Variants in CNTNAP2 observed in about 807,000 individuals in gnomAD.
The protein encoded by CNTNAP2 is contactin-associated protein-like 2.
In CNTNAP2, 98 loss-of-function variants were observed where a neutral mutation model predicts 155.2. That is an observed-to-expected ratio of 0.63 (90% CI 0.54 to 0.75). The LOEUF is 0.75. Ranked by LOEUF, CNTNAP2 falls within the 30% of genes least tolerant of loss-of-function variation. The pLI, the probability that CNTNAP2 is intolerant of heterozygous loss-of-function variation, is 0.00. For synonymous variants in CNTNAP2, 651 were observed against 631.2 expected (o/e 1.03, Z -0.47); for missense variants, 1,727 against 1,688.1 (o/e 1.02, Z -0.40).
chr7:147,365,298 C>A (rs1469274140), intron 9 of CNTNAP2, among the ~76,000 whole-genome samples: 3 of 149,008 alleles, frequency 2.0e-5, no homozygotes, highest in South Asian at 2.1e-4. Flanking sequence ...CAGCTCGAAC[C>A]CAGGAGGCGG....
intron 21 of CNTNAP2, among the ~76,000 whole-genome samples, chr7:148,346,563 GGA>G (rs2116589973): frequency 6.6e-6 from 1 of 151,914 alleles, no homozygotes; most frequent in African/African-American, 2.4e-5. Flanking sequence ...CCTGAGGTCA[GGA>G]GTTCGAGACC....
chr7:147,202,279 A>T (rs1298066686), intron 8 of CNTNAP2, among the ~76,000 whole-genome samples: 1 of 151,618 alleles, frequency 6.6e-6, no homozygotes, highest in African/African-American at 2.4e-5. Context: ...CAAAATAGTG[A>T]TGGAACTACA....
intron 13 of CNTNAP2, among the ~76,000 whole-genome samples, chr7:147,883,902 C>T (rs1350460848): frequency 6.6e-6 from 1 of 152,080 alleles, no homozygotes; most frequent in Non-Finnish European, 1.5e-5. Context: ...TCTACTGGAT[C>T]ATAAACTCTA....
chr7:146,384,162 G>T (rs1047045415), intron 1 of CNTNAP2, among the ~76,000 whole-genome samples: 1 of 152,154 alleles, frequency 6.6e-6, no homozygotes, highest in Admixed American at 6.5e-5. Context: ...AAATATATCA[G>T]AAAGTAAAAG....
At chr7:148,092,235 A>T (rs892608607) in intron 15 of CNTNAP2, among the ~76,000 whole-genome samples, 9 of 152,216 alleles carry the variant, frequency 5.9e-5, no homozygotes, top group Admixed American at 2.0e-4. Context: ...GACCAACAAA[A>T]GCAGAATGTT....
chr7:147,080,660 G>A (rs1292916048), intron 4 of CNTNAP2, among the ~76,000 whole-genome samples: 2 of 142,848 alleles, frequency 1.4e-5, no homozygotes, highest in African/African-American at 2.7e-5. Context: ...TATATAACAT[G>A]TATATGACAT....
rs562044665 is a variant in CNTNAP2, at chr7:146,749,403, A to T, written c.98-24868A>T. On this transcript the variant is annotated intron_variant, in intron 1 of 23. Transcript: ENST00000361727. ...GCAAAGCTAGGACTCAATCTCATGG[A>T]CAAGTGACATCTAAGCCTTTATTCT... Among the ~76,000 whole-genome samples the T allele has an allele frequency of 3.3e-5, 5 of 152,336 alleles. No individual in the cohort carries two copies. In the South Asian group the frequency reaches 8.3e-4, roughly 25 times the overall value.
chr7:148,405,043 G>A (rs1244735469), intron 22 of CNTNAP2, among the ~76,000 whole-genome samples: 1 of 152,094 alleles, frequency 6.6e-6, no homozygotes, highest in African/African-American at 2.4e-5. Flanking sequence ...CAGCATTTGG[G>A]TGGGAAAACA....
chr7:148,230,766 G>C (rs1795948186), intron 20 of CNTNAP2, among the ~76,000 whole-genome samples: 1 of 152,152 alleles, frequency 6.6e-6, no homozygotes, highest in Non-Finnish European at 1.5e-5. Flanking sequence ...AAACTGACAT[G>C]CACTGTTTCA....
intron 1 of CNTNAP2, among the ~76,000 whole-genome samples, chr7:146,231,527 A>G (rs1799385048): frequency 6.6e-6 from 1 of 152,230 alleles, no homozygotes; most frequent in African/African-American, 2.4e-5. Flanking sequence ...GTGAATGTAG[A>G]ATGAGCATAA....
At chr7:147,042,570 G>T (rs981813433) in intron 3 of CNTNAP2, among the ~76,000 whole-genome samples, 1 of 151,614 alleles carries the variant, frequency 6.6e-6, no homozygotes, top group South Asian at 2.1e-4. Context: ...AACATCTCTC[G>T]CTCTTTACTT....
At chr7:146,191,900 C>T (rs948976955) in intron 1 of CNTNAP2, among the ~76,000 whole-genome samples, 10 of 152,020 alleles carry the variant, frequency 6.6e-5, no homozygotes, top group African/African-American at 1.9e-4. Flanking sequence ...GTGCAGTTAA[C>T]GCAATCATCA....
At chr7:147,220,754 G>A (rs1357870209) in intron 8 of CNTNAP2, among the ~76,000 whole-genome samples, 1 of 151,622 alleles carries the variant, frequency 6.6e-6, no homozygotes, top group Admixed American at 6.6e-5. Context: ...TCACTCTCTT[G>A]CCCAGGCTGG....
intron 1 of CNTNAP2, among the ~76,000 whole-genome samples, chr7:146,539,462 A>G (rs1214597357): frequency 1.3e-5 from 2 of 152,076 alleles, no homozygotes; most frequent in Non-Finnish European, 1.5e-5. Flanking sequence ...AACCTTTGCT[A>G]GGCTGCAAAT....
chr7:147,552,571 AACACACACACACACACACAC>A (rs34755315), intron 11 of CNTNAP2, among the ~76,000 whole-genome samples: 2 of 142,896 alleles, frequency 1.4e-5, no homozygotes, highest in Non-Finnish European at 3.1e-5. Context: ...TACTTTCCTC[AACACACACACACACACACAC>A]ACACACACAC....
chr7:147,511,984 G>A (rs149712066), intron 11 of CNTNAP2, among the ~76,000 whole-genome samples: 26 of 152,250 alleles, frequency 1.7e-4, no homozygotes, highest in African/African-American at 5.5e-4. Context: ...CAGTGGCCTC[G>A]TGATGCATGT....
intron 1 of CNTNAP2, among the ~76,000 whole-genome samples, chr7:146,340,872 A>G (rs1458875188): frequency 1.3e-5 from 2 of 152,234 alleles, no homozygotes. Context: ...AAGTGGTAAT[A>G]AAAGAATACT....
intron 12 of CNTNAP2, among the ~76,000 whole-genome samples, chr7:147,599,839 G>A (rs1800909820): frequency 1.3e-5 from 2 of 152,116 alleles, no homozygotes; most frequent in Admixed American, 6.5e-5. Context: ...CTGCAAAGAC[G>A]CTATTTCCAA....
intron 14 of CNTNAP2, among the ~76,000 whole-genome samples, chr7:147,910,807 G>A (rs916703879): frequency 1.3e-5 from 2 of 152,130 alleles, no homozygotes; most frequent in Non-Finnish European, 2.9e-5. Flanking sequence ...ACCTGGTCCC[G>A]CCCTTAACAT....
Sources: gnomAD v4.1 joint callset for allele counts (sites outside exome capture counted in the v4.1 genomes callset) on GRCh38, gnomAD v4.1.1 for gene constraint, MANE v1.5 for transcripts, NCBI Gene and HGNC (gene_info 2026-07-23, HGNC 2026-07-21) for gene names.